SLC25A30: variants seen among roughly 807,000 people sequenced by gnomAD.
SLC25A30 encodes the protein kidney mitochondrial carrier protein 1.
SLC25A30 carries 29 observed loss-of-function variants against 42.7 expected under a neutral mutation model. The observed-to-expected ratio is 0.68, with a 90% CI of 0.51 to 0.93. SLC25A30 has a LOEUF of 0.93. Ranked by LOEUF, SLC25A30 falls within the 40% of genes least tolerant of loss-of-function variation. The pLI is 0.00. For synonymous variants in SLC25A30, 124 were observed against 131.0 expected (o/e 0.95, Z 0.37); for missense variants, 300 against 359.7 (o/e 0.83, Z 1.34).
chr13:45,409,761 A>G (rs1882844980), intron 2 of SLC25A30, among the ~76,000 whole-genome samples: 1 of 152,230 alleles, frequency 6.6e-6, no homozygotes, highest in Non-Finnish European at 1.5e-5. Flanking sequence ...GTGAGCCGAG[A>G]TCACGTCACC....
At chr13:45,412,464 C>T (rs1049684348) in intron 1 of SLC25A30, among the ~76,000 whole-genome samples, 4 of 152,104 alleles carry the variant, frequency 2.6e-5, no homozygotes, top group African/African-American at 7.2e-5. Flanking sequence ...ACGTTACCAG[C>T]TGTGAGGCAG....
At chr13:45,398,374 T>G (rs9316137) in intron 8 of SLC25A30, 6,282 of 152,100 alleles carry the variant, frequency 0.041, 431 homozygotes, top group African/African-American at 0.14. Flanking sequence ...AATGGGTACA[T>G]TAGAAGCCCA....
chr13:45,423,606 A>T, the SLC25A30 span, among the ~76,000 whole-genome samples: 7 of 99,600 alleles, frequency 7.0e-5, 1 homozygote, highest in East Asian at 2.5e-4. Context: ...TATATATATA[A>T]ATATATATAA....
intron 1 of SLC25A30, among the ~76,000 whole-genome samples, chr13:45,413,537 C>A (rs1023771216): frequency 6.6e-6 from 1 of 151,354 alleles, no homozygotes. Flanking sequence ...GCCTAGCCAA[C>A]AGAGTCAGAC....
At chr13:45,410,345 G>T (rs921878358) in intron 2 of SLC25A30, among the ~76,000 whole-genome samples, 4 of 152,170 alleles carry the variant, frequency 2.6e-5, no homozygotes, top group Non-Finnish European at 5.9e-5. Context: ...GAAAGGACAA[G>T]GAAAACGGAC....
At chr13:45,421,199 C>T (rs772423720), upstream of SLC25A30, among the ~76,000 whole-genome samples, 40 of 151,776 alleles carry the variant, frequency 2.6e-4, no homozygotes, top group African/African-American at 4.3e-4. Flanking sequence ...GCCAACATGG[C>T]GAAACTCCAT....
At position 45,399,057 on chromosome 13, in the gene SLC25A30, C is replaced by A; in HGVS notation, c.636G>T (p.Leu212=). Residue 212 remains leucine (L), a synonymous_variant, in exon 8 of 10, where the codon CTG becomes CTT. Transcript: ENST00000519676. The stretch of plus-strand genomic sequence containing the variant: ...CAGGGTTTGAGGCCAGGGCCCCTGC[C>A]AGACCACAGGTGAAGCTTGAGCTAT... The part of the protein sequence containing the change: ...THFLSSFTCG[L]AGALASNPVD... 1.2e-6 allele frequency: 2 copies of A among 1,610,354 alleles called. No homozygotes were observed. Among genetic ancestry groups the A allele is most frequent in the Non-Finnish European group, 1.7e-6 (2 of 1,178,760 alleles).
At chr13:45,425,698 A>G in the SLC25A30 span, among the ~76,000 whole-genome samples, 12 of 134,330 alleles carry the variant, frequency 8.9e-5, no homozygotes, top group Admixed American at 2.7e-4. Context: ...ATATACACAC[A>G]TATATATTTT....
the SLC25A30 span, among the ~76,000 whole-genome samples, chr13:45,424,477 ATATG>A: frequency 9.4e-5 from 6 of 63,778 alleles, no homozygotes; most frequent in Admixed American, 2.8e-4. Context: ...ATATATAAAT[ATATG>A]TATATAAATA....
chr13:45,425,551 AG>A, the SLC25A30 span, among the ~76,000 whole-genome samples: 2 of 62,842 alleles, frequency 3.2e-5, 1 homozygote, highest in Non-Finnish European at 6.6e-5. Flanking sequence ...TATATATATA[AG>A]TATATATATA....
At chr13:45,405,792 T>G in intron 4 of SLC25A30, 91 bp downstream of exon 4, 1 of 1,169,184 alleles carries the variant, frequency 8.6e-7, no homozygotes, top group Non-Finnish European at 1.2e-6. Context: ...AAGTCACAAA[T>G]AAGCTGAAGA....
the SLC25A30 span, among the ~76,000 whole-genome samples, chr13:45,424,578 A>T: frequency 2.3e-5 from 1 of 42,648 alleles, no homozygotes; most frequent in Non-Finnish European, 4.4e-5. Flanking sequence ...TAAATATATA[A>T]ATATATATAA....
upstream of SLC25A30, among the ~76,000 whole-genome samples, chr13:45,420,643 A>G (rs1046031660): frequency 2.0e-5 from 3 of 152,142 alleles, no homozygotes; most frequent in African/African-American, 7.2e-5. Context: ...ACTTAGAAAT[A>G]CACAGGAATG....
intron 2 of SLC25A30, among the ~76,000 whole-genome samples, chr13:45,409,409 T>C (rs1366108446): frequency 6.6e-6 from 1 of 152,212 alleles, no homozygotes; most frequent in African/African-American, 2.4e-5. Flanking sequence ...CATAAGTTAC[T>C]ATTCTGTATA....
At chr13:45,432,486 T>C in the SLC25A30 span, among the ~76,000 whole-genome samples, 2 of 152,128 alleles carry the variant, frequency 1.3e-5, no homozygotes, top group Non-Finnish European at 2.9e-5. Context: ...CACACATCTC[T>C]TTCATCTTCT....
intron 1 of SLC25A30, among the ~76,000 whole-genome samples, chr13:45,416,566 A>G (rs1193497649): frequency 2.0e-5 from 3 of 152,246 alleles, no homozygotes; most frequent in Admixed American, 2.0e-4. Context: ...CAGGGGTTCA[A>G]GACCAGCCTG....
Position 45,394,968 on chromosome 13 carries a change from C to T in SLC25A30, c.*1006G>A, listed in dbSNP as rs1881203541. On this transcript the variant is annotated 3_prime_UTR_variant, in exon 10 of 10. Transcript: ENST00000519676. ...AAATGTACTAAAGCCTGAACTTATA[C>T]AGTGTTCTTTCTTCAACAAGACCTT... 1.0e-6 allele frequency: 1 copy of T among 985,314 alleles called. No homozygotes were observed. Among genetic ancestry groups the T allele is most frequent in the Non-Finnish European group, 1.2e-6 (1 of 829,948 alleles). The allele number at this position is 985,314 out of a possible 1,614,324, so 61.0% of individuals were successfully genotyped here. A position where few individuals can be genotyped will look rare whatever the true frequency, so the allele number is the denominator to read the frequency against.
In SLC25A30 at chr13:45,408,933, T is replaced by A. The variant is rs1882759872; in HGVS notation, c.206A>T (p.Tyr69Phe). 5.0e-6 allele frequency: 8 copies of A among 1,608,636 alleles called. No homozygotes were observed. Among genetic ancestry groups the A allele is most frequent in the Non-Finnish European group, 6.8e-6 (8 of 1,177,778 alleles). ...IGREEGLKAL[Y>F]SGIAPAMLRQ... ...TGCATGAAGGCCTACTCACCCCGAG[T>A]AGAGTGCTTTCAGCCCTTCTTCTCT... The change falls in exon 3 of 10, where the codon TAC (tyrosine) becomes TTC (phenylalanine). Residue 69 changes from tyrosine (Y) to phenylalanine (F), a missense_variant. Coordinates refer to ENST00000519676, the MANE Select transcript of SLC25A30 (RefSeq NM_001010875.4).
the SLC25A30 span, among the ~76,000 whole-genome samples, chr13:45,430,596 A>G: frequency 4.0e-4 from 61 of 152,176 alleles, 1 homozygote; most frequent in African/African-American, 1.4e-3. Context: ...ACTTGAGCTC[A>G]GGAGTTTGAA....
Sources: gnomAD v4.1 joint callset for allele counts (sites outside exome capture counted in the v4.1 genomes callset) on GRCh38, gnomAD v4.1.1 for gene constraint, MANE v1.5 for transcripts, NCBI Gene and HGNC (gene_info 2026-07-23, HGNC 2026-07-21) for gene names.